Variants in SNX8 observed in about 807,000 individuals in gnomAD.
The protein encoded by SNX8 is sorting nexin 8.
SNX8 carries 25 observed loss-of-function variants against 51.6 expected under a neutral mutation model. That is an observed-to-expected ratio of 0.48 (90% CI 0.35 to 0.68). The LOEUF (loss-of-function observed/expected upper bound fraction) is 0.68, where lower values mean the gene tolerates loss of function less well. Ranked by LOEUF, SNX8 falls within the 30% of genes least tolerant of loss-of-function variation. The pLI is 0.00. For synonymous variants in SNX8, 324 were observed against 277.0 expected (o/e 1.17, Z -1.68); for missense variants, 695 against 624.0 (o/e 1.11, Z -1.21).
Position 2,299,634 on chromosome 7 carries a change from C to G in SNX8, c.94+14694G>C, listed in dbSNP as rs149611129. 5.3e-3 allele frequency among the ~76,000 whole-genome samples: 801 copies of G among 152,238 alleles called. 3 individuals are homozygous for G. Among genetic ancestry groups the G allele is most frequent in the Admixed American group, 0.018 (274 of 15,286 alleles). The stretch of plus-strand genomic sequence containing the variant: ...AGTTTGGAGTTCCAAAAAGAGTCCT[C>G]GTCTCTGTTTAACTAAATGCCACCC... On this transcript the variant is annotated intron_variant, in intron 1 of 10. Transcript: ENST00000222990.
upstream of SNX8, among the ~76,000 whole-genome samples, chr7:2,315,856 A>G (rs576236348): frequency 8.4e-5 from 12 of 143,394 alleles, no homozygotes; most frequent in Admixed American, 3.5e-4. Context: ...TCACTCACTA[A>G]CTGCATCCTG....
chr7:2,351,309 T>C (rs1342055797), intron 1 of SNX8, among the ~76,000 whole-genome samples: 1 of 152,074 alleles, frequency 6.6e-6, no homozygotes, highest in Non-Finnish European at 1.5e-5. Flanking sequence ...TGTAGCACTT[T>C]GGGAGGCAGA....
At position 2,254,521 on chromosome 7, in the gene SNX8, T is replaced by TC. The variant is rs1213353062; in HGVS notation, c.*534_*535insG. On this transcript the variant is annotated 3_prime_UTR_variant, in exon 11 of 11. Coordinates refer to ENST00000222990, the MANE Select transcript of SNX8 (RefSeq NM_013321.4). ...ACTCCCAGACCAGGGCTCCAGGTGTTGACTGCAGCAATTTCCCTAGAAAAT... is the reference window on the plus strand; with the variant it reads ...ACTCCCAGACCAGGGCTCCAGGTGTTCGACTGCAGCAATTTCCCTAGAAAAT... The TC allele has an allele frequency of 5.9e-6, 1 of 168,890 alleles. No homozygotes were observed. Among genetic ancestry groups the TC allele is most frequent in the African/African-American group, 2.4e-5 (1 of 41,590 alleles). 10.5% of individuals were successfully genotyped at this position (168,890 alleles called of 1,614,324 possible).
intron 1 of SNX8, among the ~76,000 whole-genome samples, chr7:2,320,126 C>A (rs973060640): frequency 6.6e-6 from 1 of 152,166 alleles, no homozygotes; most frequent in Non-Finnish European, 1.5e-5. Flanking sequence ...GAGCCTGAGG[C>A]AGGCGGATCA....
chr7:2,304,644 A>G (rs1420776900), intron 1 of SNX8, among the ~76,000 whole-genome samples: 1 of 152,132 alleles, frequency 6.6e-6, no homozygotes, highest in Non-Finnish European at 1.5e-5. Flanking sequence ...CCATTTGCAC[A>G]TAACACAGGG....
chr7:2,326,401 C>T (rs1254458222), intron 1 of SNX8, among the ~76,000 whole-genome samples: 1 of 152,054 alleles, frequency 6.6e-6, no homozygotes, highest in African/African-American at 2.4e-5. Context: ...CACGGTGGCT[C>T]ACGCCTGTAA....
At chr7:2,268,463 C>A (rs1422970470) in intron 5 of SNX8, among the ~76,000 whole-genome samples, 1 of 143,170 alleles carries the variant, frequency 7.0e-6, no homozygotes, top group Non-Finnish European at 1.6e-5. Context: ...GGGGGTCAGC[C>A]CCCCGCCCGG....
At chr7:2,334,219 C>T (rs138268421) in intron 1 of SNX8, among the ~76,000 whole-genome samples, 45 of 152,160 alleles carry the variant, frequency 3.0e-4, no homozygotes, top group African/African-American at 9.6e-4. Flanking sequence ...TTGGCTAACA[C>T]GGTGAAACCC....
chr7:2,255,060 T>A lies in SNX8; in HGVS notation c.1394A>T (p.His465Leu), dbSNP rs1003666042. ...GCACCACCTCAGCCTCAGGCGCTAG[T>A]GAGGACACAGGCCGTCCTCCGGCGG... Reference protein sequence around the residue: ...CSPPEDGLCPH With the variant: ...CSPPEDGLCPL Residue 465 changes from histidine to leucine, a missense_variant, in exon 11 of 11, where the codon CAC (histidine) becomes CTC (leucine). His to Leu is a moderately conservative substitution (Grantham distance 99). Transcript: ENST00000222990. The A allele has an allele frequency of 6.4e-7, 1 of 1,560,086 alleles. No homozygotes were observed. The highest frequency in any genetic ancestry group is 8.7e-7 in the Non-Finnish European group (1 of 1,150,582).
intron 1 of SNX8, among the ~76,000 whole-genome samples, chr7:2,334,185 T>C (rs999381817): frequency 1.3e-5 from 2 of 151,930 alleles, no homozygotes; most frequent in African/African-American, 4.8e-5. Flanking sequence ...GGTCGGATCA[T>C]GAGGTCAGCA....
intron 1 of SNX8, among the ~76,000 whole-genome samples, chr7:2,341,928 G>GC (rs1157408153): frequency 5.9e-5 from 9 of 151,542 alleles, no homozygotes; most frequent in Admixed American, 5.9e-4. Context: ...AGCGGAGATC[G>GC]CACCACTGCA....
chr7:2,353,364 C>T (rs1214267350), intron 1 of SNX8, among the ~76,000 whole-genome samples: 1 of 152,078 alleles, frequency 6.6e-6, no homozygotes, highest in Non-Finnish European at 1.5e-5. Context: ...CTAGCCTGGG[C>T]AACAGAGCGA....
chr7:2,320,945 G>A (rs1412203945), intron 1 of SNX8, among the ~76,000 whole-genome samples: 1 of 152,074 alleles, frequency 6.6e-6, no homozygotes, highest in Non-Finnish European at 1.5e-5. Context: ...GCTTGAACCC[G>A]GCAGGTGGAG....
chr7:2,323,329 CAAAA>C (rs35005505), intron 1 of SNX8, among the ~76,000 whole-genome samples: 4 of 105,872 alleles, frequency 3.8e-5, no homozygotes, highest in Non-Finnish European at 7.5e-5. Flanking sequence ...GAGTCTGTCT[CAAAA>C]AAAAAAAAAA....
chr7:2,292,930 G>T (rs1796186853), intron 1 of SNX8, among the ~76,000 whole-genome samples: 1 of 152,020 alleles, frequency 6.6e-6, no homozygotes, highest in Non-Finnish European at 1.5e-5. Context: ...AGCCAAGGTG[G>T]CAGAATGACT....
intron 1 of SNX8, among the ~76,000 whole-genome samples, chr7:2,338,420 C>A (rs1276774662): frequency 6.6e-6 from 1 of 151,370 alleles, no homozygotes; most frequent in East Asian, 1.9e-4. Context: ...CGAAATCATG[C>A]CACTGCACTC....
chr7:2,339,481 G>T (rs1778885262), intron 1 of SNX8, among the ~76,000 whole-genome samples: 1 of 151,944 alleles, frequency 6.6e-6, no homozygotes, highest in African/African-American at 2.4e-5. Flanking sequence ...AGTGCTGGGA[G>T]AAAATTATAA....
intron 1 of SNX8, among the ~76,000 whole-genome samples, chr7:2,289,668 C>T (rs1464458570): frequency 6.6e-6 from 1 of 152,134 alleles, no homozygotes; most frequent in Non-Finnish European, 1.5e-5. Context: ...ATTGCCAAGG[C>T]AATACTGCAG....
chr7:2,348,159 C>T (rs1779068185), intron 1 of SNX8, among the ~76,000 whole-genome samples: 4 of 151,980 alleles, frequency 2.6e-5, no homozygotes, highest in African/African-American at 4.8e-5. Context: ...CTGAAAAGGG[C>T]GGGCTAAGAT....
Sources: allele counts gnomAD v4.1 joint callset (sites outside exome capture counted in the v4.1 genomes callset), GRCh38; gene constraint gnomAD v4.1.1; transcripts MANE v1.5; gene names NCBI Gene and HGNC (gene_info 2026-07-23, HGNC 2026-07-21).